Variants in GRTP1 observed in about 807,000 individuals in gnomAD.
GRTP1 encodes growth hormone-regulated TBC protein 1.
In GRTP1, 56 loss-of-function variants were observed where a neutral mutation model predicts 38.1. The ratio of observed to expected loss-of-function variants is 1.47; its 90% CI spans 1.19 to 1.84. The LOEUF (loss-of-function observed/expected upper bound fraction) is 1.84. Among genes scored for constraint, GRTP1 ranks in the 40% most tolerant of loss-of-function variants. The probability of loss-of-function intolerance (pLI) is 0.00; values close to 1 mark genes in which losing one functional copy is unlikely to be tolerated. For synonymous variants in GRTP1, 217 were observed against 189.5 expected (o/e 1.14, Z -1.19); for missense variants, 506 against 453.9 (o/e 1.11, Z -1.04).
rs1001228207 is a variant in GRTP1 at position 113,342,700 on chromosome 13, G to A, written c.562+2163C>T. Among the ~76,000 whole-genome samples, 1 of 152,108 alleles carries A rather than the reference G, an allele frequency of 6.6e-6. No individual in the cohort carries two copies. The highest frequency in any genetic ancestry group is 1.5e-5 in the Non-Finnish European group (1 of 68,020). On this transcript the variant is annotated intron_variant, in intron 5 of 7. Coordinates refer to ENST00000375431, the MANE Select transcript of GRTP1 (RefSeq NM_024719.4). This position sits in a 1 kb window ranked among gnomAD's most constrained non-coding sequence, Gnocchi z 4.5. ...ACTGAAACGACCTACTTCGGTCACT[G>A]TAACTTAGAGAAGGACATATATTTG...
At chr13:113,333,988 C>T (rs1476715782) in intron 5 of GRTP1, among the ~76,000 whole-genome samples, 2 of 151,768 alleles carry the variant, frequency 1.3e-5, no homozygotes, top group Non-Finnish European at 2.9e-5. Flanking sequence ...GTGTGCGCCA[C>T]CATGCCTGGC....
At chr13:113,363,225 A>T (rs1436270792) in intron 2 of GRTP1, among the ~76,000 whole-genome samples, 1 of 152,066 alleles carries the variant, frequency 6.6e-6, no homozygotes, top group Non-Finnish European at 1.5e-5. Flanking sequence ...GTCCCGTCAC[A>T]AGGACGGAGT....
chr13:113,332,347 A>ACACGTGCACACGCACGC (rs1448015918), intron 5 of GRTP1, among the ~76,000 whole-genome samples: 1 of 146,772 alleles, frequency 6.8e-6, no homozygotes, highest in Non-Finnish European at 1.5e-5. Flanking sequence ...CGCACGCCAC[A>ACACGTGCACACGCACGC]CACAGGTACA....
Position 113,326,028 on chromosome 13 carries a change from C to T in GRTP1, c.626G>A (p.Arg209Gln), listed in dbSNP as rs148016199. The change falls in exon 6 of 8, where the codon CGG (arginine) becomes CAG (glutamine). Residue 209 changes from arginine to glutamine, a missense_variant. Coordinates refer to ENST00000375431, the MANE Select transcript of GRTP1 (RefSeq NM_024719.4). ...GGCCCCCACAGCCGGCAGCTTCGCCCGCACCAGCTCCCCGAGGACCTCCTG... is the reference window on the plus strand; with the variant it reads ...GGCCCCCACAGCCGGCAGCTTCGCCTGCACCAGCTCCCCGAGGACCTCCTG... ...TDQEVLGELV[R>Q]AKLPAVGALM... is the part of the protein sequence containing the mutation. 5.2e-5 allele frequency: 84 copies of T among 1,613,386 alleles called. No homozygotes were observed. The highest frequency in any genetic ancestry group is 4.2e-4 in the South Asian group (38 of 91,044).
intron 5 of GRTP1, 143 bp from the exon 6 acceptor site, chr13:113,326,234 T>C (rs1360226925): frequency 2.0e-6 from 2 of 1,000,740 alleles, no homozygotes; most frequent in African/African-American, 1.7e-5. Context: ...AGAGGAAGAG[T>C]CGGGGTGAGG....
intron 5 of GRTP1, among the ~76,000 whole-genome samples, chr13:113,326,930 A>G (rs960623516): frequency 1.3e-5 from 2 of 152,244 alleles, no homozygotes; most frequent in Non-Finnish European, 2.9e-5. Context: ...AAGATGAAAC[A>G]GCTCTGGAGA....
At position 113,348,469 on chromosome 13, in the gene GRTP1, A is replaced by C. The variant is rs1005917683; in HGVS notation, c.465+2380T>G. Among the ~76,000 whole-genome samples the C allele has an allele frequency of 3.9e-5, 6 of 152,158 alleles. No homozygotes were observed. In the East Asian group the frequency reaches 1.2e-3, roughly 29 times the overall value. On this transcript the variant is annotated intron_variant, in intron 4 of 7. Transcript: ENST00000375431. The surrounding 1 kb of genome is among the most constrained non-coding windows in gnomAD (Gnocchi z 4.8). ...GTGTGCACTGTGTAACTCTACACATATGCCACACATTGAACTGTGTTGCCC... is the reference window on the plus strand; with the variant it reads ...GTGTGCACTGTGTAACTCTACACATCTGCCACACATTGAACTGTGTTGCCC...
At chr13:113,347,498 G>A (rs78120199) in intron 4 of GRTP1, among the ~76,000 whole-genome samples, 570 of 52,414 alleles carry the variant, frequency 0.011, 119 homozygotes, top group African/African-American at 0.036. Context: ...GGACCTCTGT[G>A]GCCGAGAGCG....
At position 113,346,518 on chromosome 13, in the gene GRTP1, CAA is replaced by C. The variant is rs1275616895; in HGVS notation, c.466-1561_466-1560del. 1.4e-3 allele frequency among the ~76,000 whole-genome samples: 9 copies of C among 6,288 alleles called. 3 individuals carry two copies. The highest frequency in any genetic ancestry group is 1.6e-3 in the African/African-American group (9 of 5,644). The allele number at this position is 6,288 out of a possible 152,430, so 4.1% of individuals were successfully genotyped here. On this transcript the variant is annotated intron_variant, in intron 4 of 7. Transcript: ENST00000375431. Reference sequence around the variant, plus strand: ...AGTGGACCCGGGAGGACCTCTGTGGCAAAGAGCAGACCCGGGAGGACCTCTGT... The same window carrying C: ...AGTGGACCCGGGAGGACCTCTGTGGCAGAGCAGACCCGGGAGGACCTCTGT...
chr13:113,338,063 G>A (rs988260739), intron 5 of GRTP1, among the ~76,000 whole-genome samples: 1 of 152,224 alleles, frequency 6.6e-6, no homozygotes, highest in Non-Finnish European at 1.5e-5. Flanking sequence ...GGGCTGCACC[G>A]ACTCATGACT....
chr13:113,325,644 CGTGCA>C lies in GRTP1; in HGVS notation c.921+12_921+16del, dbSNP rs752491444. ...GGCCCCCTGGGAGGGGACTGAGCCA[CGTGCA>C]GCCCCACACACCTGCATAAACGTGT... On this transcript the variant is annotated intron_variant, in intron 7 of 7. Coordinates refer to ENST00000375431, the MANE Select transcript of GRTP1 (RefSeq NM_024719.4). 6.2e-7 allele frequency: 1 copy of C among 1,604,862 alleles called. No individual in the cohort carries two copies. Among genetic ancestry groups the C allele is most frequent in the African/African-American group, 1.5e-5 (1 of 66,116 alleles).
intron 5 of GRTP1, among the ~76,000 whole-genome samples, chr13:113,334,483 A>C (rs541559881): frequency 5.9e-5 from 9 of 152,348 alleles, no homozygotes; most frequent in African/African-American, 1.9e-4. Context: ...AAACAGTTTC[A>C]TCCTGCACTG....
chr13:113,355,540 C>G (rs1251456610), intron 2 of GRTP1, 59 bp from the exon 3 acceptor site: 1 of 1,498,632 alleles, frequency 6.7e-7, no homozygotes, highest in Admixed American at 2.3e-5. Context: ...GGGGCCCACG[C>G]GTTCCTGCCA....
At chr13:113,358,966 T>C (rs1012036219) in intron 2 of GRTP1, among the ~76,000 whole-genome samples, 2 of 152,232 alleles carry the variant, frequency 1.3e-5, no homozygotes, top group Non-Finnish European at 2.9e-5. Flanking sequence ...TGTAGGTGGA[T>C]GTTTATAATG....
intron 3 of GRTP1, among the ~76,000 whole-genome samples, chr13:113,354,823 G>A (rs2043352261): frequency 6.6e-6 from 1 of 152,210 alleles, no homozygotes; most frequent in Non-Finnish European, 1.5e-5. Context: ...CACCGCGCCC[G>A]GCCTTAGGTT....
intron 5 of GRTP1, among the ~76,000 whole-genome samples, chr13:113,340,796 T>TA (rs1422008852): frequency 6.6e-6 from 1 of 151,686 alleles, no homozygotes; most frequent in Non-Finnish European, 1.5e-5. Flanking sequence ...ATTAAATAAA[T>TA]AAAACAATAA....
intron 2 of GRTP1, among the ~76,000 whole-genome samples, chr13:113,363,079 AG>A (rs2043527242): frequency 1.3e-5 from 2 of 152,206 alleles, no homozygotes; most frequent in Non-Finnish European, 2.9e-5. Context: ...CCCTCCGCAC[AG>A]GGAAGCCTGG....
At chr13:113,325,868 G>C (rs375092596) in intron 6 of GRTP1, 22 bp from the exon 7 acceptor site, 3 of 1,613,736 alleles carry the variant, frequency 1.9e-6, no homozygotes. Flanking sequence ...TGGGAACCCG[G>C]TGTCACTCCC....
intron 2 of GRTP1, among the ~76,000 whole-genome samples, chr13:113,362,403 A>G (rs1000003737): frequency 6.6e-5 from 10 of 152,254 alleles, no homozygotes; most frequent in Admixed American, 4.6e-4. Flanking sequence ...ACATGTGAAC[A>G]TGCAGAGGCC....
Sources: allele counts gnomAD v4.1 joint callset (sites outside exome capture counted in the v4.1 genomes callset), GRCh38; gene constraint gnomAD v4.1.1; non-coding constraint Gnocchi (gnomAD v3.1); transcripts MANE v1.5; gene names NCBI Gene and HGNC (gene_info 2026-07-23, HGNC 2026-07-21).